CCSER1: variants seen among roughly 807,000 people sequenced by gnomAD.
The protein encoded by CCSER1 is serine-rich coiled-coil domain-containing protein 1.
In CCSER1, 41 loss-of-function variants were observed where a neutral mutation model predicts 82.0. The observed-to-expected ratio is 0.50, with a 90% confidence interval of 0.39 to 0.65. The LOEUF is 0.65. CCSER1 is among the 30% of genes least tolerant of loss of function. The pLI, the probability that CCSER1 is intolerant of heterozygous loss-of-function variation, is 0.00. For synonymous variants in CCSER1, 414 were observed against 383.9 expected (o/e 1.08, Z -0.92); for missense variants, 1,119 against 1,064.2 (o/e 1.05, Z -0.72).
At chr4:91,549,988 T>A (rs1349404661) in intron 10 of CCSER1, among the ~76,000 whole-genome samples, 1 of 152,076 alleles carries the variant, frequency 6.6e-6, no homozygotes, top group South Asian at 2.1e-4. Flanking sequence ...AGTTGGTATT[T>A]CTCTTTACCC....
intron 10 of CCSER1, among the ~76,000 whole-genome samples, chr4:91,470,236 CA>C (rs1757188044): frequency 6.6e-6 from 1 of 152,114 alleles, no homozygotes; most frequent in South Asian, 2.1e-4. Context: ...GGGTATTGTA[CA>C]GATTGTAGAC....
intron 1 of CCSER1, among the ~76,000 whole-genome samples, chr4:90,280,631 A>T (rs1210015900): frequency 6.6e-6 from 1 of 152,012 alleles, no homozygotes; most frequent in Non-Finnish European, 1.5e-5. Flanking sequence ...AGAAATCAAG[A>T]GTCTATAAAT....
intron 10 of CCSER1, among the ~76,000 whole-genome samples, chr4:91,188,699 T>C (rs1734769439): frequency 6.6e-6 from 1 of 152,182 alleles, no homozygotes; most frequent in African/African-American, 2.4e-5. Context: ...CTGGAAATAC[T>C]CTAAAAATAT....
chr4:91,077,168 C>A (rs935561182), intron 9 of CCSER1, among the ~76,000 whole-genome samples: 3 of 152,104 alleles, frequency 2.0e-5, no homozygotes, highest in African/African-American at 7.2e-5. Flanking sequence ...AGGGAACCCC[C>A]ATTAAATACA....
At chr4:91,589,063 T>A (rs562487559) in intron 10 of CCSER1, among the ~76,000 whole-genome samples, 1 of 152,004 alleles carries the variant, frequency 6.6e-6, no homozygotes, top group African/African-American at 2.4e-5. Context: ...TAGTAATATA[T>A]TGACTTTATC....
intron 5 of CCSER1, among the ~76,000 whole-genome samples, chr4:90,610,903 A>G (rs1428028010): frequency 1.3e-5 from 2 of 151,996 alleles, no homozygotes; most frequent in East Asian, 3.9e-4. Flanking sequence ...TTTGAGACCA[A>G]GTTTTGCTCT....
intron 10 of CCSER1, among the ~76,000 whole-genome samples, chr4:91,458,155 T>C (rs1756298397): frequency 6.6e-6 from 1 of 152,130 alleles, no homozygotes; most frequent in Non-Finnish European, 1.5e-5. Flanking sequence ...CTTTAATCCA[T>C]CTTGAGTTTG....
intron 10 of CCSER1, among the ~76,000 whole-genome samples, chr4:91,231,694 A>G (rs191599763): frequency 1.3e-5 from 2 of 151,944 alleles, no homozygotes; most frequent in Admixed American, 1.3e-4. Context: ...ATAGTTATAT[A>G]TATAAAGTTA....
At chr4:91,167,394 C>G (rs1732207318) in intron 10 of CCSER1, among the ~76,000 whole-genome samples, 1 of 151,940 alleles carries the variant, frequency 6.6e-6, no homozygotes, top group Admixed American at 6.6e-5. Context: ...CCATCTTGGC[C>G]AGGCTGGTCT....
At chr4:90,446,702 G>C (rs1760708703) in intron 4 of CCSER1, among the ~76,000 whole-genome samples, 1 of 152,094 alleles carries the variant, frequency 6.6e-6, no homozygotes, top group Admixed American at 6.6e-5. Flanking sequence ...GGAACTATGT[G>C]GGTCCACTTG....
At chr4:90,782,534 A>T (rs1003091143) in intron 7 of CCSER1, among the ~76,000 whole-genome samples, 1 of 152,158 alleles carries the variant, frequency 6.6e-6, no homozygotes, top group Non-Finnish European at 1.5e-5. Context: ...AATATTTCTA[A>T]CCAGATATAA....
chr4:90,386,704 GA>G (rs1750115268), intron 3 of CCSER1, among the ~76,000 whole-genome samples: 1 of 152,076 alleles, frequency 6.6e-6, no homozygotes, highest in African/African-American at 2.4e-5. Flanking sequence ...GGAGTAAAAG[GA>G]CAACCTACAG....
At chr4:90,868,256 G>C (rs1003767575) in intron 8 of CCSER1, among the ~76,000 whole-genome samples, 5 of 151,886 alleles carry the variant, frequency 3.3e-5, no homozygotes, top group Non-Finnish European at 7.4e-5. Flanking sequence ...AGTAACTATA[G>C]TCACCCTGTT....
intron 5 of CCSER1, among the ~76,000 whole-genome samples, chr4:90,487,402 A>G (rs969907574): frequency 2.0e-5 from 3 of 152,230 alleles, no homozygotes; most frequent in African/African-American, 4.8e-5. Flanking sequence ...TCATAAGTGC[A>G]CTTCCCTGAC....
chr4:90,391,272 C>CA lies in CCSER1; in HGVS notation c.1510-8750dup, dbSNP rs1215360899. Among the ~76,000 whole-genome samples the CA allele has an allele frequency of 4.9e-3, 169 of 34,734 alleles. 5 individuals carry two copies. Among genetic ancestry groups the CA allele is most frequent in the African/African-American group, 0.02 (78 of 3,814 alleles). 22.8% of individuals were successfully genotyped at this position (34,734 alleles called of 152,430 possible). ...TGGGCGACAGAGCAAGACTCTGTCT[C>CA]AAAAAAAAAAAAAAGAAAAAAAAAG... On this transcript the variant is annotated intron_variant, in intron 3 of 10. Transcript: ENST00000509176.
intron 10 of CCSER1, among the ~76,000 whole-genome samples, chr4:91,525,583 T>C (rs1481728036): frequency 6.6e-6 from 1 of 152,122 alleles, no homozygotes; most frequent in Non-Finnish European, 1.5e-5. Flanking sequence ...TCATCTACTT[T>C]TCCTCTCACG....
chr4:91,528,226 G>A (rs150902986), intron 10 of CCSER1, among the ~76,000 whole-genome samples: 2,440 of 152,100 alleles, frequency 0.016, 28 homozygotes, highest in Middle Eastern at 0.061. Flanking sequence ...CAGCCCAAGT[G>A]CTAATATATT....
intron 8 of CCSER1, among the ~76,000 whole-genome samples, chr4:90,869,101 A>T (rs1766108320): frequency 6.6e-6 from 1 of 152,014 alleles, no homozygotes; most frequent in Non-Finnish European, 1.5e-5. Context: ...TATTCTAGTT[A>T]TTAATCCCTT....
At chr4:90,605,059 T>A (rs1237163485) in intron 5 of CCSER1, among the ~76,000 whole-genome samples, 1 of 152,222 alleles carries the variant, frequency 6.6e-6, no homozygotes, top group African/African-American at 2.4e-5. Flanking sequence ...TTGCTGCTGC[T>A]GACTCTTTGG....
Sources: allele counts gnomAD v4.1 joint callset (sites outside exome capture counted in the v4.1 genomes callset), GRCh38; gene constraint gnomAD v4.1.1; transcripts MANE v1.5; gene names NCBI Gene and HGNC (gene_info 2026-07-23, HGNC 2026-07-21).